TTC27: variants seen among roughly 807,000 people sequenced by gnomAD.
The protein encoded by TTC27 is tetratricopeptide repeat domain 27, also known as tetratricopeptide repeat protein 27.
Under a neutral mutation model 115.9 loss-of-function variants are expected in TTC27, and 79 were observed. The ratio of observed to expected loss-of-function variants is 0.68; its 90% CI spans 0.57 to 0.82. TTC27 has a LOEUF of 0.82. Ranked by LOEUF, TTC27 falls within the 40% of genes least tolerant of loss-of-function variation. The pLI is 0.00. For missense variants in TTC27, 1,054 were observed against 993.1 expected (o/e 1.06, Z -0.82); for synonymous variants, 401 against 356.0 (o/e 1.13, Z -1.42).
chr2:32,637,986 C>T (rs1045971772), intron 3 of TTC27, among the ~76,000 whole-genome samples: 1 of 152,228 alleles, frequency 6.6e-6, no homozygotes, highest in African/African-American at 2.4e-5. Context: ...GTCCTTGAGG[C>T]TCTCCAAATG....
chr2:32,753,293 C>G (rs749214821), intron 12 of TTC27, among the ~76,000 whole-genome samples: 1 of 152,030 alleles, frequency 6.6e-6, no homozygotes, highest in African/African-American at 2.4e-5. Context: ...CTTTGAAAGT[C>G]GCATAGTGTC....
At chr2:32,792,102 C>T (rs545098783) in intron 16 of TTC27, among the ~76,000 whole-genome samples, 1 of 152,224 alleles carries the variant, frequency 6.6e-6, no homozygotes, top group Admixed American at 6.5e-5. Flanking sequence ...TTCTTGAATA[C>T]CATATAGATA....
chr2:32,726,576 G>C (rs1475028715), intron 10 of TTC27, among the ~76,000 whole-genome samples: 1 of 152,106 alleles, frequency 6.6e-6, no homozygotes, highest in Non-Finnish European at 1.5e-5. Flanking sequence ...TCAGCATTTT[G>C]GTCAAAGCCA....
chr2:32,784,573 T>C (rs1234196658), intron 15 of TTC27, among the ~76,000 whole-genome samples: 1 of 152,222 alleles, frequency 6.6e-6, no homozygotes, highest in Non-Finnish European at 1.5e-5. Context: ...CATGTAAAAA[T>C]GTCTATATTC....
intron 4 of TTC27, among the ~76,000 whole-genome samples, chr2:32,644,530 C>A (rs1377383352): frequency 6.6e-6 from 1 of 152,070 alleles, no homozygotes; most frequent in Non-Finnish European, 1.5e-5. Context: ...TGCTTAAAAA[C>A]CTGTTTTCCT....
At chr2:32,760,574 T>C (rs1355586769) in intron 13 of TTC27, among the ~76,000 whole-genome samples, 1 of 151,826 alleles carries the variant, frequency 6.6e-6, no homozygotes, top group Non-Finnish European at 1.5e-5. Context: ...TATCACTCTA[T>C]TTTTTTTGGC....
At chr2:32,648,191 A>G (rs920029119) in intron 4 of TTC27, among the ~76,000 whole-genome samples, 4 of 150,794 alleles carry the variant, frequency 2.7e-5, no homozygotes, top group African/African-American at 9.7e-5. Context: ...GCAGTGGTGC[A>G]ATCTTGGCTC....
At position 32,640,421 on chromosome 2, in the gene TTC27, G is replaced by C; in HGVS notation, c.537+11G>C. On this transcript the variant is annotated intron_variant, in intron 4 of 19. Coordinates refer to ENST00000317907, the MANE Select transcript of TTC27 (RefSeq NM_017735.5). ...CTGACAGCTATTCAGGTAAGGAAAG[G>C]ATCCATGAGATTCATACCCTGGTAT... The C allele has an allele frequency of 6.2e-7, 1 of 1,612,068 alleles. No homozygotes were observed. Among genetic ancestry groups the C allele is most frequent in the Non-Finnish European group, 8.5e-7 (1 of 1,179,576 alleles).
intron 4 of TTC27, among the ~76,000 whole-genome samples, chr2:32,642,508 C>T (rs182630583): frequency 1.3e-5 from 2 of 152,162 alleles, no homozygotes; most frequent in East Asian, 3.9e-4. Flanking sequence ...CTGCCTTGGC[C>T]TCCCAAAGTG....
chr2:32,817,350 TC>T, intron 18 of TTC27, 106 bp from the exon 19 acceptor site: 1 of 844,886 alleles, frequency 1.2e-6, no homozygotes, highest in Non-Finnish European at 1.9e-6. Context: ...TAGAAGTGTT[TC>T]TAAAGTATGT....
intron 4 of TTC27, among the ~76,000 whole-genome samples, chr2:32,649,545 A>T (rs1311801654): frequency 1.8e-4 from 24 of 136,330 alleles, no homozygotes; most frequent in South Asian, 7.1e-4. Context: ...TGAATACAAC[A>T]TTTTTTTTTT....
chr2:32,647,445 A>G lies in TTC27; in HGVS notation c.538-2686A>G, dbSNP rs1179091182. ...AATGACGCAACACCTCAGGGAATTC[A>G]GTTAAAAACTGTCTGAAATTTCTTT... On this transcript the variant is annotated intron_variant, in intron 4 of 19. Coordinates refer to ENST00000317907, the MANE Select transcript of TTC27 (RefSeq NM_017735.5). 2.6e-5 allele frequency among the ~76,000 whole-genome samples: 4 copies of G among 152,320 alleles called. No homozygotes were observed. In the East Asian group the frequency reaches 7.7e-4, roughly 29 times the overall value.
chr2:32,789,762 A>G (rs1207880939), intron 16 of TTC27, among the ~76,000 whole-genome samples: 1 of 151,776 alleles, frequency 6.6e-6, no homozygotes, highest in Admixed American at 6.6e-5. Flanking sequence ...TCTACAAAAA[A>G]AATACAAAAA....
At chr2:32,745,760 T>A (rs1237122267) in intron 12 of TTC27, among the ~76,000 whole-genome samples, 1 of 152,154 alleles carries the variant, frequency 6.6e-6, no homozygotes, top group Admixed American at 6.5e-5. Flanking sequence ...TTTAAAGATG[T>A]GGAAACACTG....
intron 16 of TTC27, among the ~76,000 whole-genome samples, chr2:32,792,776 T>G (rs1317775436): frequency 6.6e-6 from 1 of 152,244 alleles, no homozygotes. Context: ...TGCCTTGCAC[T>G]TTAGGCCAAG....
chr2:32,672,709 A>T (rs1453161488), intron 8 of TTC27, among the ~76,000 whole-genome samples: 1 of 152,238 alleles, frequency 6.6e-6, no homozygotes, highest in African/African-American at 2.4e-5. Context: ...ATTTCAAAGG[A>T]TAGGATTATT....
intron 12 of TTC27, among the ~76,000 whole-genome samples, chr2:32,743,063 G>A (rs765951371): frequency 6.6e-6 from 1 of 152,006 alleles, no homozygotes; most frequent in African/African-American, 2.4e-5. Context: ...ACTCTTCATA[G>A]TTGGTGCCAT....
chr2:32,782,323 T>C (rs529351045), intron 14 of TTC27, among the ~76,000 whole-genome samples: 3 of 152,326 alleles, frequency 2.0e-5, no homozygotes, highest in African/African-American at 7.2e-5. Context: ...AATAAATCTA[T>C]GTACTATATA....
chr2:32,740,652 T>C (rs189989321), intron 12 of TTC27, among the ~76,000 whole-genome samples: 37 of 152,218 alleles, frequency 2.4e-4, no homozygotes, highest in Admixed American at 1.9e-3. Context: ...TATTTATTTA[T>C]TTACTTACTT....
Sources: allele counts gnomAD v4.1 joint callset (sites outside exome capture counted in the v4.1 genomes callset), GRCh38; gene constraint gnomAD v4.1.1; transcripts MANE v1.5; gene names NCBI Gene and HGNC (gene_info 2026-07-23, HGNC 2026-07-21).